Variants in PLEKHA7 observed in about 807,000 individuals in gnomAD.
PLEKHA7 encodes the protein pleckstrin homology domain containing A7.
PLEKHA7 carries 104 observed loss-of-function variants against 170.0 expected under a neutral mutation model. The ratio of observed to expected loss-of-function variants is 0.61; its 90% confidence interval spans 0.52 to 0.72. The LOEUF is 0.72. PLEKHA7 is among the 30% of genes least tolerant of loss of function. The pLI is 0.00. For missense variants in PLEKHA7, 1,615 were observed against 1,671.7 expected, an observed-to-expected ratio of 0.97 and a Z score of 0.59; for synonymous variants, 648 against 660.8, an observed-to-expected ratio of 0.98 and a Z score of 0.30.
At position 16,841,630 on chromosome 11, in the gene PLEKHA7, A is replaced by C; in HGVS notation, c.789T>G (p.Ser263Arg). ...EQSGMRTYYF[S>R]ADTQEDMNAW... ...CGTTCATGTCCTCCTGGGTGTCGGC[A>C]CTGAAGTAGTAGGTCCTCATGCCTG... Residue 263 changes from serine to arginine, a missense_variant, in exon 9 of 27, where the codon AGT (serine) becomes AGG (arginine). Transcript: ENST00000531066. 2 of 1,614,116 alleles carry C rather than the reference A, an allele frequency of 1.2e-6. No homozygotes were observed. Among genetic ancestry groups the C allele is most frequent in the Non-Finnish European group, 1.7e-6 (2 of 1,180,018 alleles).
At chr11:16,982,806 C>CACAA (rs1554990150) in intron 3 of PLEKHA7, among the ~76,000 whole-genome samples, 2 of 145,294 alleles carry the variant, frequency 1.4e-5, no homozygotes, top group Non-Finnish European at 3.0e-5. Context: ...CACACACACA[C>CACAA]GGAGAAAGAG....
intron 11 of PLEKHA7, 60 bp downstream of exon 11, chr11:16,816,740 G>A: frequency 1.3e-6 from 2 of 1,572,910 alleles, no homozygotes; most frequent in Non-Finnish European, 8.6e-7. Flanking sequence ...TTCAAACCAG[G>A]CAAAGCTCCT....
intron 23 of PLEKHA7, chr11:16,787,190 C>A: frequency 2.0e-6 from 2 of 985,402 alleles, no homozygotes; most frequent in Non-Finnish European, 2.4e-6. Flanking sequence ...GGCCTTTGAC[C>A]GCTGAGCAGG....
intron 3 of PLEKHA7, among the ~76,000 whole-genome samples, chr11:16,954,368 A>T (rs928366446): frequency 1.3e-5 from 2 of 151,846 alleles, no homozygotes; most frequent in Admixed American, 6.6e-5. Flanking sequence ...CAACAACAAC[A>T]ACAACAAAAA....
At chr11:16,814,159 G>C (rs1849576790) in intron 12 of PLEKHA7, among the ~76,000 whole-genome samples, 3 of 152,166 alleles carry the variant, frequency 2.0e-5, no homozygotes, top group Non-Finnish European at 4.4e-5. Flanking sequence ...TGGCTTGCAA[G>C]GTCTTGTGTC....
At chr11:16,947,434 T>A (rs756432011) in intron 3 of PLEKHA7, among the ~76,000 whole-genome samples, 1 of 150,180 alleles carries the variant, frequency 6.7e-6, no homozygotes, top group South Asian at 2.1e-4. Flanking sequence ...CTACTAAAAA[T>A]ACGAAAATTA....
chr11:17,007,717 C>A (rs886313321), intron 3 of PLEKHA7, among the ~76,000 whole-genome samples: 2 of 151,830 alleles, frequency 1.3e-5, no homozygotes, highest in African/African-American at 2.4e-5. Context: ...GGGACTATGG[C>A]CATGCACCAT....
chr11:16,796,016 A>G (rs1309268542), intron 17 of PLEKHA7, among the ~76,000 whole-genome samples: 1 of 151,590 alleles, frequency 6.6e-6, no homozygotes, highest in Non-Finnish European at 1.5e-5. Context: ...CCACCACCAC[A>G]TCTGGCTAAT....
At position 16,844,825 on chromosome 11, in the gene PLEKHA7, G is replaced by A. The variant is rs568110404; in HGVS notation, c.697-3103C>T. On this transcript the variant is annotated intron_variant, in intron 8 of 26. Transcript: ENST00000531066. The stretch of plus-strand genomic sequence containing the variant: ...AGAAACCTCAGTGGAAAATAGAGGA[G>A]CACCCAAAAGGCCAGGGCCCATCAA... Among the ~76,000 whole-genome samples, 7 of 152,302 alleles carry A rather than the reference G, an allele frequency of 4.6e-5. No homozygotes were observed. In the South Asian group the frequency reaches 1.2e-3, roughly 27 times the overall value.
chr11:16,881,815 C>T (rs1855737231), intron 3 of PLEKHA7, among the ~76,000 whole-genome samples: 1 of 152,142 alleles, frequency 6.6e-6, no homozygotes, highest in African/African-American at 2.4e-5. Flanking sequence ...CCAGTCAGGG[C>T]AGGGAAAGGT....
chr11:16,994,605 C>T (rs954661046), intron 3 of PLEKHA7, among the ~76,000 whole-genome samples: 1 of 152,140 alleles, frequency 6.6e-6, no homozygotes, highest in African/African-American at 2.4e-5. Flanking sequence ...CTGCTGGGAC[C>T]CCTCCCTGGA....
At chr11:16,823,851 A>C (rs1850429356) in intron 10 of PLEKHA7, among the ~76,000 whole-genome samples, 1 of 152,230 alleles carries the variant, frequency 6.6e-6, no homozygotes, top group South Asian at 2.1e-4. Context: ...TTTGGAAGCA[A>C]CCTAAGTGTC....
chr11:16,981,387 A>G (rs1863415954), intron 3 of PLEKHA7, among the ~76,000 whole-genome samples: 1 of 152,206 alleles, frequency 6.6e-6, no homozygotes, highest in Non-Finnish European at 1.5e-5. Context: ...CCAGGATTCC[A>G]ACCCAGTTGG....
chr11:16,878,404 T>C (rs370068498), intron 3 of PLEKHA7, among the ~76,000 whole-genome samples: 1 of 152,038 alleles, frequency 6.6e-6, no homozygotes. Flanking sequence ...ACACACAGAG[T>C]AAAAAATAAG....
chr11:16,971,544 G>A (rs564801616), intron 3 of PLEKHA7, among the ~76,000 whole-genome samples: 1 of 152,266 alleles, frequency 6.6e-6, no homozygotes, highest in East Asian at 1.9e-4. Context: ...AATAATGGAA[G>A]CTGTTATTAC....
chr11:16,979,532 A>G (rs1361594715), intron 3 of PLEKHA7, among the ~76,000 whole-genome samples: 1 of 152,186 alleles, frequency 6.6e-6, no homozygotes, highest in Admixed American at 6.5e-5. Context: ...ATTAAACCCA[A>G]TAATAGGGGA....
chr11:16,801,601 G>A, intron 16 of PLEKHA7, 67 bp downstream of exon 16: 1 of 1,585,048 alleles, frequency 6.3e-7, no homozygotes, highest in South Asian at 1.1e-5. Context: ...TACATCTTGG[G>A]AGGGGAGAAA....
rs1848816628 is a variant in PLEKHA7 at position 16,778,808 on chromosome 11, T to A, written c.*190A>T. The A allele has an allele frequency of 3.2e-6, 2 of 616,758 alleles. No individual in the cohort carries two copies. Among genetic ancestry groups the A allele is most frequent in the South Asian group, 3.8e-5 (2 of 53,304 alleles). 38.2% of individuals were successfully genotyped at this position (616,758 alleles called of 1,614,324 possible). On this transcript the variant is annotated 3_prime_UTR_variant, in exon 27 of 27. Coordinates refer to ENST00000531066, the MANE Select transcript of PLEKHA7 (RefSeq NM_001329630.2). ...TTTGCCATTCATATGTAGAGAGGAG[T>A]CTGAGCTAAACTAGTGGGTGCATAT...
intron 3 of PLEKHA7, among the ~76,000 whole-genome samples, chr11:16,871,406 G>C (rs1018806068): frequency 1.3e-5 from 2 of 152,146 alleles, no homozygotes; most frequent in African/African-American, 4.8e-5. Flanking sequence ...ACGAGACAGG[G>C]AGACTTCTAA....
Sources: gnomAD v4.1 joint callset for allele counts (sites outside exome capture counted in the v4.1 genomes callset) on GRCh38, gnomAD v4.1.1 for gene constraint, MANE v1.5 for transcripts, NCBI Gene and HGNC (gene_info 2026-07-23, HGNC 2026-07-21) for gene names.